The following CRTC3 variants were observed in gnomAD, a reference collection of about 807,000 sequenced individuals.
CRTC3 encodes the protein CREB-regulated transcription coactivator 3.
A neutral mutation model predicts 74.5 loss-of-function variants in CRTC3; 26 were observed. The observed-to-expected ratio is 0.35, with a 90% CI of 0.26 to 0.48. The LOEUF (loss-of-function observed/expected upper bound fraction) is 0.48. Ranked by LOEUF, CRTC3 falls within the 20% of genes least tolerant of loss-of-function variation. The pLI is 0.99. For synonymous variants in CRTC3, 377 were observed against 325.8 expected, an observed-to-expected ratio of 1.16 and a Z score of -1.69; for missense variants, 760 against 787.3, an observed-to-expected ratio of 0.97 and a Z score of 0.41.
At chr15:90,608,399 C>T (rs1276107449) in intron 6 of CRTC3, among the ~76,000 whole-genome samples, 1 of 152,110 alleles carries the variant, frequency 6.6e-6, no homozygotes, top group Non-Finnish European at 1.5e-5. Context: ...CCCAAGGTAG[C>T]CATGCGAACC....
chr15:90,642,880 G>C lies in CRTC3; in HGVS notation c.*740G>C, dbSNP rs906321197. ...CACTGATGAGCCTGAAGAGAACTGT[G>C]CTCCTCCTCGGGGGCTGGGGAAGGA... is the stretch of plus-strand genomic sequence containing the variant. On this transcript the variant is annotated 3_prime_UTR_variant, in exon 15 of 15. Coordinates refer to ENST00000268184, the MANE Select transcript of CRTC3 (RefSeq NM_022769.5). 1.7e-5 allele frequency: 4 copies of C among 232,994 alleles called. No homozygotes were observed. In the South Asian group the frequency reaches 5.4e-4, roughly 32 times the overall value. The allele number at this position is 232,994 out of a possible 1,614,324, so 14.4% of individuals were successfully genotyped here.
chr15:90,626,088 T>A (rs1323443087), intron 10 of CRTC3, 95 bp downstream of exon 10: 1 of 903,632 alleles, frequency 1.1e-6, no homozygotes, highest in African/African-American at 1.6e-5. Flanking sequence ...TGAGAATGAC[T>A]GCATCCCAGT....
At chr15:90,601,933 G>A (rs1051007826) in intron 3 of CRTC3, among the ~76,000 whole-genome samples, 14 of 152,020 alleles carry the variant, frequency 9.2e-5, no homozygotes, top group African/African-American at 2.4e-4. Context: ...TGTTTGCGTC[G>A]TGAGCCGATC....
Position 90,644,350 on chromosome 15 carries a change from C to T in CRTC3, c.*2210C>T, listed in dbSNP as rs186951336. 1.1e-4 allele frequency: 26 copies of T among 230,628 alleles called. No individual in the cohort carries two copies. Among genetic ancestry groups the T allele is most frequent in the East Asian group, 8.0e-4 (13 of 16,240 alleles). 14.3% of individuals were successfully genotyped at this position (230,628 alleles called of 1,614,324 possible). Reference sequence around the variant, plus strand: ...TCAACAGGCGATGGTGCTGATGTTTCAAGAATTGTGTTTTTATAAAACAGA... The same window carrying T: ...TCAACAGGCGATGGTGCTGATGTTTTAAGAATTGTGTTTTTATAAAACAGA... On this transcript the variant is annotated 3_prime_UTR_variant, in exon 15 of 15. Coordinates refer to ENST00000268184, the MANE Select transcript of CRTC3 (RefSeq NM_022769.5).
intron 6 of CRTC3, among the ~76,000 whole-genome samples, chr15:90,611,665 A>C (rs1373606202): frequency 6.6e-6 from 1 of 152,128 alleles, no homozygotes; most frequent in African/African-American, 2.4e-5. Flanking sequence ...CCCATTCAGT[A>C]GCCGAGTCCT....
chr15:90,615,075 TAAATA>T (rs1968456381), intron 7 of CRTC3, among the ~76,000 whole-genome samples: 1 of 151,680 alleles, frequency 6.6e-6, no homozygotes. Flanking sequence ...AATAAATAAA[TAAATA>T]AATAAATAAA....
At chr15:90,635,287 G>C (rs1319663386) in intron 11 of CRTC3, among the ~76,000 whole-genome samples, 2 of 152,080 alleles carry the variant, frequency 1.3e-5, no homozygotes, top group Admixed American at 6.6e-5. Context: ...GCTGAGTGTG[G>C]TCTTCATTGT....
intron 2 of CRTC3, among the ~76,000 whole-genome samples, chr15:90,590,627 T>C (rs961854575): frequency 6.6e-6 from 1 of 152,180 alleles, no homozygotes; most frequent in South Asian, 2.1e-4. Flanking sequence ...CCCAAAGTGC[T>C]GGGATTACAG....
intron 13 of CRTC3, 88 bp from the exon 14 acceptor site, chr15:90,641,009 G>A: frequency 1.2e-6 from 1 of 828,954 alleles, no homozygotes; most frequent in Non-Finnish European, 2.1e-6. Flanking sequence ...TTGCAAGTCA[G>A]GTTTTGCTCT....
At chr15:90,535,650 T>C (rs941077580) in intron 1 of CRTC3, among the ~76,000 whole-genome samples, 2 of 114,216 alleles carry the variant, frequency 1.8e-5, no homozygotes, top group African/African-American at 3.5e-5. Flanking sequence ...ATTATTTTCA[T>C]GTGAAAATAA....
chr15:90,614,644 T>G (rs575077507), intron 7 of CRTC3, 156 bp downstream of exon 7: 10 of 566,994 alleles, frequency 1.8e-5, no homozygotes, highest in African/African-American at 1.7e-4. Context: ...TCTAGAAAAT[T>G]AAGGCTAGCC....
chr15:90,626,775 C>A (rs1254673166), intron 10 of CRTC3, among the ~76,000 whole-genome samples: 2 of 152,124 alleles, frequency 1.3e-5, no homozygotes, highest in African/African-American at 2.4e-5. Context: ...CGATGCCGAG[C>A]TAATCGTTTT....
chr15:90,597,625 G>C (rs767621917), intron 3 of CRTC3, among the ~76,000 whole-genome samples: 3 of 152,144 alleles, frequency 2.0e-5, no homozygotes, highest in Non-Finnish European at 4.4e-5. Context: ...GTATATATCA[G>C]GGCTCTGAAA....
rs1442614495 is a variant in CRTC3 at position 90,614,575 on chromosome 15, T to C, written c.613+87T>C. 10 of 928,032 alleles carry C rather than the reference T, an allele frequency of 1.1e-5. No homozygotes were observed. In the Admixed American group the frequency reaches 1.9e-4, roughly 17 times the overall value. The allele number at this position is 928,032 out of a possible 1,614,324, so 57.5% of individuals were successfully genotyped here. ...CAATACCTTTACTAATAAATATTCA[T>C]GTTTTCAGGACTCCCCCAAATGCTG... On this transcript the variant is annotated intron_variant, in intron 7 of 14. Transcript: ENST00000268184.
intron 2 of CRTC3, among the ~76,000 whole-genome samples, chr15:90,578,142 C>G (rs532522892): frequency 1.6e-4 from 24 of 152,194 alleles, no homozygotes; most frequent in South Asian, 1.2e-3. Flanking sequence ...GTCTGGAACT[C>G]CTGACCTCAG....
chr15:90,562,640 C>T (rs920222653), intron 2 of CRTC3, among the ~76,000 whole-genome samples: 4 of 152,142 alleles, frequency 2.6e-5, no homozygotes, highest in Non-Finnish European at 1.5e-5. Context: ...CTCCCCCGGC[C>T]ACCTGAGAAA....
intron 9 of CRTC3, among the ~76,000 whole-genome samples, chr15:90,620,733 C>T (rs1390923230): frequency 2.6e-5 from 4 of 152,140 alleles, no homozygotes; most frequent in Non-Finnish European, 4.4e-5. Context: ...AATTCAGAAA[C>T]AGCAAGGCTG....
At chr15:90,603,954 G>A (rs1394080830) in intron 4 of CRTC3, among the ~76,000 whole-genome samples, 1 of 152,138 alleles carries the variant, frequency 6.6e-6, no homozygotes, top group Non-Finnish European at 1.5e-5. Context: ...ATGTATCCAA[G>A]AAATGTCTTC....
chr15:90,581,433 C>T (rs1001348978), intron 2 of CRTC3, among the ~76,000 whole-genome samples: 52 of 152,182 alleles, frequency 3.4e-4, no homozygotes, highest in African/African-American at 1.2e-3. Flanking sequence ...TCCTTTGTGA[C>T]ATCGTATGCT....
Sources: allele counts gnomAD v4.1 joint callset (sites outside exome capture counted in the v4.1 genomes callset), GRCh38; gene constraint gnomAD v4.1.1; transcripts MANE v1.5; gene names NCBI Gene and HGNC (gene_info 2026-07-23, HGNC 2026-07-21).